SEPTIN4: variants seen among roughly 807,000 people sequenced by gnomAD.
SEPTIN4 encodes the protein septin 4.
A neutral mutation model predicts 107.1 loss-of-function variants in SEPTIN4; 52 were observed. The ratio of observed to expected loss-of-function variants is 0.49; its 90% CI spans 0.39 to 0.61. The LOEUF (loss-of-function observed/expected upper bound fraction) is 0.61. SEPTIN4 is among the 20% of genes least tolerant of loss of function. The probability of loss-of-function intolerance (pLI) is 0.00; values close to 1 mark genes in which losing one functional copy is unlikely to be tolerated. For missense variants in SEPTIN4, 1,048 were observed against 1,243.5 expected, an observed-to-expected ratio of 0.84 and a Z score of 2.36; for synonymous variants, 417 against 467.0, an observed-to-expected ratio of 0.89 and a Z score of 1.38.
rs750250248 is a variant in SEPTIN4, at chr17:58,521,719, C to A, written c.2469+17G>T. 6.2e-7 allele frequency: 1 copy of A among 1,614,260 alleles called. No homozygotes were observed. The highest frequency in any genetic ancestry group is 8.5e-7 in the Non-Finnish European group (1 of 1,180,050). ...TAGAAGCCCACCTGATCCCCTCCCACCACCAGCTTCCCTCACTTTGCGTTT... is the reference window on the plus strand; with the variant it reads ...TAGAAGCCCACCTGATCCCCTCCCAACACCAGCTTCCCTCACTTTGCGTTT... On this transcript the variant is annotated intron_variant, in intron 9 of 13. Coordinates refer to ENST00000672673, the MANE Select transcript of SEPTIN4 (RefSeq NM_001368771.2). The surrounding 1 kb of genome is among the most constrained non-coding windows in gnomAD (Gnocchi z 6.4).
Position 58,532,871 on chromosome 17 carries a change from G to A in SEPTIN4, c.1615-5893C>T, listed in dbSNP as rs373791428. 3.3e-5 allele frequency among the ~76,000 whole-genome samples: 5 copies of A among 152,330 alleles called. No individual in the cohort carries two copies. The East Asian group carries it at 7.7e-4, about 23-fold the overall frequency. On this transcript the variant is annotated intron_variant, in intron 3 of 13. Transcript: ENST00000672673. Reference sequence around the variant, plus strand: ...CAGAAAGGTCAGAGCAGCAGCTAGGGGAAGGCAGATGCTTGGTGAGTGGGG... The same window carrying A: ...CAGAAAGGTCAGAGCAGCAGCTAGGAGAAGGCAGATGCTTGGTGAGTGGGG...
chr17:58,534,310 C>T (rs988667749), intron 3 of SEPTIN4, among the ~76,000 whole-genome samples: 21 of 152,254 alleles, frequency 1.4e-4, no homozygotes, highest in African/African-American at 4.8e-4. Context: ...TCTGAGAGAA[C>T]TTGGCCTGGG....
In SEPTIN4 at chr17:58,543,775, T is replaced by G. The variant is rs915444682; in HGVS notation, c.412A>C (p.Lys138Gln). The G allele has an allele frequency of 4.3e-5, 69 of 1,614,106 alleles. 1 individual carries two copies. The highest frequency in any genetic ancestry group is 5.8e-5 in the Non-Finnish European group (68 of 1,180,048). Residue 138 changes from lysine to glutamine, a missense_variant, in exon 1 of 14, where the codon AAG becomes CAG. Lys to Gln is a moderately conservative substitution (Grantham distance 53). Coordinates refer to ENST00000672673, the MANE Select transcript of SEPTIN4 (RefSeq NM_001368771.2). ...EEAARRGSES[K>Q]SGREVGHHAS... is the part of the protein sequence containing the mutation. ...TGATGGCCGACCTCGCGCCCTGACT[T>G]GCTCTCACTGCCTCTTCGTGCTGCT...
At chr17:58,531,979 G>A (rs2043512472) in intron 3 of SEPTIN4, 2 of 1,146,286 alleles carry the variant, frequency 1.7e-6, no homozygotes, top group South Asian at 4.2e-5. Flanking sequence ...CAGCCCGGGC[G>A]GGGCCGGCTC....
At position 58,541,988 on chromosome 17, in the gene SEPTIN4, T is replaced by C. The variant is rs368028590; in HGVS notation, c.1562-22A>G. 5.0e-6 allele frequency: 8 copies of C among 1,611,876 alleles called. No homozygotes were observed. The African/African-American group carries it at 1.1e-4, about 22-fold the overall frequency. On this transcript the variant is annotated intron_variant, in intron 1 of 13. Transcript: ENST00000672673. Reference sequence around the variant, plus strand: ...ACATCTGAAAGTAACAGAGAGATGGTTGCTTTTCTTCTCTCTGTGGGATGC... The same window carrying C: ...ACATCTGAAAGTAACAGAGAGATGGCTGCTTTTCTTCTCTCTGTGGGATGC...
At chr17:58,531,951 C>T in intron 3 of SEPTIN4, 2 of 1,148,976 alleles carry the variant, frequency 1.7e-6, no homozygotes, top group Non-Finnish European at 2.1e-6. Context: ...CGCCTGCCTG[C>T]CTGCCTTACC....
In SEPTIN4 at chr17:58,520,285, C is replaced by A; in HGVS notation, c.*141G>T. 4.3e-6 allele frequency: 3 copies of A among 696,014 alleles called. No homozygotes were observed. In the Admixed American group the frequency reaches 8.4e-5, roughly 20 times the overall value. The allele number at this position is 696,014 out of a possible 1,614,324, so 43.1% of individuals were successfully genotyped here. On this transcript the variant is annotated 3_prime_UTR_variant, in exon 14 of 14. Coordinates refer to ENST00000672673, the MANE Select transcript of SEPTIN4 (RefSeq NM_001368771.2). Reference sequence around the variant, plus strand: ...CCTACAGATTTATTAAACTTTATTTCCTCTGAGTCTCTGGGCAGTCAGCAG... The same window carrying A: ...CCTACAGATTTATTAAACTTTATTTACTCTGAGTCTCTGGGCAGTCAGCAG...
In SEPTIN4 at chr17:58,521,875, C is replaced by T. The variant is rs1214535437; in HGVS notation, c.2352-22G>A. ...GAGCCTGGGGAACAGGAACCTGTGA[C>T]CACCTGCTAGTGGCAGCCCTGCCCC... On this transcript the variant is annotated intron_variant, in intron 8 of 13. Coordinates refer to ENST00000672673, the MANE Select transcript of SEPTIN4 (RefSeq NM_001368771.2). This position sits in a 1 kb window ranked among gnomAD's most constrained non-coding sequence, Gnocchi z 6.4. 6.2e-7 allele frequency: 1 copy of T among 1,614,252 alleles called. No individual in the cohort carries two copies. The highest frequency in any genetic ancestry group is 8.5e-7 in the Non-Finnish European group (1 of 1,180,046).
At chr17:58,542,091 C>A (rs189121439) in intron 1 of SEPTIN4, 125 bp from the exon 2 acceptor site, 2 of 1,104,084 alleles carry the variant, frequency 1.8e-6, no homozygotes. Flanking sequence ...AGCCCTTGGT[C>A]CTCTCCAAGA....
Position 58,529,093 on chromosome 17 carries a change from A to G in SEPTIN4, c.1615-2115T>C, listed in dbSNP as rs756102358. 4 of 1,613,706 alleles carry G rather than the reference A, an allele frequency of 2.5e-6. No individual in the cohort carries two copies. In the South Asian group the frequency reaches 4.4e-5, roughly 18 times the overall value. On this transcript the variant is annotated intron_variant, in intron 3 of 13. Transcript: ENST00000672673. ...GGGGGAAGACAGGTCACGTCCACCC[A>G]TCTCCCAGAGCAGCACCTTACCCCA... is the stretch of plus-strand genomic sequence containing the variant.
At position 58,525,145 on chromosome 17, in the gene SEPTIN4, C is replaced by A; in HGVS notation, c.2149G>T (p.Gly717Cys). ...ACAATGGTGAGCCGCAGCCTCACAC[C>A]CTTCTCTTCTATGTCCACTGCATGC... ...TKHAVDIEEK[G>C]VRLRLTIVDT... Residue 717 changes from glycine (G) to cysteine (C), a missense_variant, in exon 7 of 14, where the codon GGT (glycine) becomes TGT (cysteine). Transcript: ENST00000672673. The A allele has an allele frequency of 6.2e-7, 1 of 1,614,190 alleles. No homozygotes were observed. The highest frequency in any genetic ancestry group is 1.1e-5 in the South Asian group (1 of 91,082).
chr17:58,529,495 C>T, intron 3 of SEPTIN4: 1 of 1,253,730 alleles, frequency 8.0e-7, no homozygotes, highest in Non-Finnish European at 1.0e-6. Flanking sequence ...TGCCTGCTGC[C>T]TACCCTGGTG....
intron 5 of SEPTIN4, 175 bp from the exon 6 acceptor site, chr17:58,525,956 A>T (rs1052561760): frequency 2.7e-5 from 24 of 885,938 alleles, no homozygotes; most frequent in Non-Finnish European, 3.4e-5. Flanking sequence ...TGGGGGAGCA[A>T]GAGATTGCCC....
At chr17:58,535,950 T>C (rs1055193701) in intron 3 of SEPTIN4, among the ~76,000 whole-genome samples, 1 of 152,346 alleles carries the variant, frequency 6.6e-6, no homozygotes. Context: ...TTGCCCTTCA[T>C]CCTGGCTGCT....
In SEPTIN4 at chr17:58,520,838, G is replaced by A; in HGVS notation, c.2836C>T (p.Leu946=). 6.3e-7 allele frequency: 1 copy of A among 1,597,994 alleles called. No individual in the cohort carries two copies. The highest frequency in any genetic ancestry group is 2.3e-5 in the East Asian group (1 of 43,886). ...AAGTCGGTACCACTTTCCCGAGTCA[G>A]TTTGCTAAAGGGAGAAAAGGGTTGA... ...LVVKERNRNK[L]TRESGTDFPI... is the part of the protein sequence containing the mutation. The change falls in exon 13 of 14, where the codon CTG becomes TTG. Residue 946 remains leucine (L), a synonymous_variant. Coordinates refer to ENST00000672673, the MANE Select transcript of SEPTIN4 (RefSeq NM_001368771.2).
At chr17:58,520,614 G>A (rs1364683388) in intron 13 of SEPTIN4, 129 bp from the exon 14 acceptor site, 68 of 1,500,402 alleles carry the variant, frequency 4.5e-5, no homozygotes, top group Non-Finnish European at 4.6e-5. Context: ...ACTCTGGACA[G>A]AACCACCTAT....
intron 3 of SEPTIN4, chr17:58,529,098 C>T (rs1171910368): frequency 6.2e-7 from 1 of 1,614,148 alleles, no homozygotes; most frequent in South Asian, 1.1e-5. Flanking sequence ...CACCCATCTC[C>T]CAGAGCAGCA....
chr17:58,529,507 G>C, intron 3 of SEPTIN4: 1 of 883,346 alleles, frequency 1.1e-6, no homozygotes, highest in Non-Finnish European at 1.4e-6. Flanking sequence ...ACCCTGGTGG[G>C]CACAGCACCA....
intron 3 of SEPTIN4, 195 bp from the exon 4 acceptor site, chr17:58,527,173 C>T (rs1460689427): frequency 1.0e-6 from 1 of 976,408 alleles, no homozygotes; most frequent in East Asian, 2.4e-5. Context: ...CAAGCCTCCC[C>T]AATCCAATAT....
Sources: allele counts gnomAD v4.1 joint callset (sites outside exome capture counted in the v4.1 genomes callset), GRCh38; gene constraint gnomAD v4.1.1; non-coding constraint Gnocchi (gnomAD v3.1); transcripts MANE v1.5; gene names NCBI Gene and HGNC (gene_info 2026-07-23, HGNC 2026-07-21).